Variants in RBFOX1 observed in about 807,000 individuals in gnomAD.
RBFOX1 encodes the protein RNA binding fox-1 homolog 1.
Under a neutral mutation model 57.7 loss-of-function variants are expected in RBFOX1, and 8 were observed. The ratio of observed to expected loss-of-function variants is 0.14; its 90% CI spans 0.08 to 0.25. The LOEUF (loss-of-function observed/expected upper bound fraction) is 0.25. Among genes scored for constraint, RBFOX1 ranks in the 10% least tolerant of loss-of-function variants. The pLI is 1.00. For missense variants in RBFOX1, 611 were observed against 548.5 expected (o/e 1.11, Z -1.14); for synonymous variants, 326 against 222.4 (o/e 1.47, Z -4.15).
intron 3 of RBFOX1, among the ~76,000 whole-genome samples, chr16:6,999,212 A>AC (rs2092557706): frequency 8.5e-6 from 1 of 117,692 alleles, no homozygotes; most frequent in Non-Finnish European, 1.9e-5. Flanking sequence ...TTTTATTTTT[A>AC]TTTATTTTTT....
chr16:6,824,665 C>T (rs1036050762), intron 3 of RBFOX1, among the ~76,000 whole-genome samples: 1 of 152,132 alleles, frequency 6.6e-6, no homozygotes, highest in African/African-American at 2.4e-5. Context: ...TTCTTGGATT[C>T]ATCACTCACT....
chr16:6,073,447 A>G (rs1409290178), intron 1 of RBFOX1, among the ~76,000 whole-genome samples: 2 of 152,154 alleles, frequency 1.3e-5, no homozygotes, highest in Admixed American at 1.3e-4. Context: ...GAACTGAAAA[A>G]CCAAGGAAGT....
intron 3 of RBFOX1, among the ~76,000 whole-genome samples, chr16:5,813,633 T>C (rs1309026399): frequency 1.3e-5 from 2 of 152,212 alleles, no homozygotes; most frequent in African/African-American, 2.4e-5. Flanking sequence ...GTTTTAAGTG[T>C]TCTTTATATA....
At chr16:7,695,616 C>T (rs556163137) in intron 14 of RBFOX1, among the ~76,000 whole-genome samples, 9 of 144,554 alleles carry the variant, frequency 6.2e-5, no homozygotes, top group African/African-American at 1.8e-4. Context: ...TGCGCCACTG[C>T]ACTCCGGCCT....
rs150874935 is a variant in RBFOX1 at position 5,730,976 on chromosome 16, C to T, written c.318+132015C>T. ...GTATCACCACCGTCATCATCGTTAC[C>T]GTCACTACCATCATCACCATTACCA... On this transcript the variant is annotated intron_variant, in intron 3 of 19. Coordinates refer to the RBFOX1 transcript ENST00000641259. Among the ~76,000 whole-genome samples the T allele has an allele frequency of 3.8e-3, 562 of 148,418 alleles. 3 individuals are homozygous for T. The highest frequency in any genetic ancestry group is 0.012 in the African/African-American group (484 of 41,178).
At chr16:7,581,052 CTG>C (rs1446366859) in intron 6 of RBFOX1, among the ~76,000 whole-genome samples, 4 of 152,256 alleles carry the variant, frequency 2.6e-5, no homozygotes, top group Non-Finnish European at 5.9e-5. Flanking sequence ...CTCAAAGGCA[CTG>C]TGTGTTGGGG....
At chr16:6,357,448 G>T (rs1056327407) in intron 2 of RBFOX1, among the ~76,000 whole-genome samples, 2 of 151,716 alleles carry the variant, frequency 1.3e-5, no homozygotes, top group Non-Finnish European at 2.9e-5. Flanking sequence ...GGTAAAGAGG[G>T]TATTGTTTTC....
In RBFOX1 at chr16:7,630,702, C is replaced by G. The variant is rs1261897218; in HGVS notation, c.757+19C>G. The G allele has an allele frequency of 6.2e-7, 1 of 1,613,900 alleles. No homozygotes were observed. Among genetic ancestry groups the G allele is most frequent in the Non-Finnish European group, 8.5e-7 (1 of 1,179,978 alleles). ...TCTGCAAGTAAGCCCACTGTCGTGG[C>G]TCTTTTTGTTTTGTGACATAAATCT... On this transcript the variant is annotated intron_variant, in intron 11 of 15. Coordinates refer to ENST00000550418, the MANE Select transcript of RBFOX1 (RefSeq NM_018723.4).
At chr16:6,939,014 A>T (rs938404865) in intron 3 of RBFOX1, among the ~76,000 whole-genome samples, 4 of 152,126 alleles carry the variant, frequency 2.6e-5, no homozygotes, top group Non-Finnish European at 1.5e-5. Flanking sequence ...CACTTTCCTT[A>T]GAGATCTGCC....
intron 4 of RBFOX1, among the ~76,000 whole-genome samples, chr16:7,309,831 A>G (rs1419671502): frequency 1.3e-5 from 2 of 152,208 alleles, no homozygotes; most frequent in African/African-American, 4.8e-5. Context: ...AGCACATGTC[A>G]TCCCGTGAAG....
chr16:7,068,931 A>G (rs1041164455), intron 4 of RBFOX1, among the ~76,000 whole-genome samples: 3 of 152,194 alleles, frequency 2.0e-5, no homozygotes, highest in Non-Finnish European at 4.4e-5. Context: ...ATTTCTACTC[A>G]CGAAGTGTGT....
At chr16:5,860,094 T>G (rs1168517323) in intron 3 of RBFOX1, among the ~76,000 whole-genome samples, 1 of 152,196 alleles carries the variant, frequency 6.6e-6, no homozygotes, top group Non-Finnish European at 1.5e-5. Context: ...AGCATTTCTT[T>G]TTTTTTGTGA....
intron 4 of RBFOX1, among the ~76,000 whole-genome samples, chr16:5,972,861 C>G (rs9635556): frequency 0.057 from 8,640 of 152,256 alleles, 547 homozygotes; most frequent in East Asian, 0.35. Context: ...ATCTTGTCTT[C>G]AAGATCAGCT....
At chr16:5,555,849 C>G (rs1567226001) in intron 2 of RBFOX1, among the ~76,000 whole-genome samples, 1 of 151,852 alleles carries the variant, frequency 6.6e-6, no homozygotes, top group Admixed American at 6.6e-5. Flanking sequence ...TGGGAAAACC[C>G]CATATCTACT....
chr16:5,443,882 G>C (rs1336851012), intron 1 of RBFOX1, among the ~76,000 whole-genome samples: 3 of 152,052 alleles, frequency 2.0e-5, no homozygotes, highest in East Asian at 3.9e-4. Flanking sequence ...TTTAAAGCTT[G>C]ACTCTGGCAT....
chr16:7,265,976 T>G (rs1307733528), intron 4 of RBFOX1, among the ~76,000 whole-genome samples: 8 of 137,898 alleles, frequency 5.8e-5, no homozygotes, highest in South Asian at 5.0e-4. Context: ...TTTTTTTTTT[T>G]TTTTTTTTTT....
chr16:7,034,827 C>CTTTTTTTTTTTCTTTTTTTTTTTTTTTTT (rs2043824001), intron 3 of RBFOX1, among the ~76,000 whole-genome samples: 3 of 54,110 alleles, frequency 5.5e-5, no homozygotes, highest in African/African-American at 1.8e-4. Flanking sequence ...TATTGCATTA[C>CTTTTTTTTTTTCTTTTTTTTTTTTTTTTT]TTTTTTTTTT....
At chr16:7,488,946 A>G (rs2066174043) in intron 4 of RBFOX1, among the ~76,000 whole-genome samples, 1 of 152,164 alleles carries the variant, frequency 6.6e-6, no homozygotes, top group Non-Finnish European at 1.5e-5. Context: ...TCACATGTCC[A>G]CTATCTATGT....
rs147577575 is a variant in RBFOX1 at position 5,556,118 on chromosome 16, G to T, written c.259-42784G>T. Among the ~76,000 whole-genome samples, 5 of 152,320 alleles carry T rather than the reference G, an allele frequency of 3.3e-5. No homozygotes were observed. In the East Asian group the frequency reaches 9.6e-4, roughly 29 times the overall value. On this transcript the variant is annotated intron_variant, in intron 2 of 2. Transcript: ENST00000585867. ...CTATGATTTATGCCTAAGCCAGCGT[G>T]TTAGAATTTATATTGAGGAAATATG... is the stretch of plus-strand genomic sequence containing the variant.
Sources: allele counts gnomAD v4.1 joint callset (sites outside exome capture counted in the v4.1 genomes callset), GRCh38; gene constraint gnomAD v4.1.1; transcripts MANE v1.5; gene names NCBI Gene and HGNC (gene_info 2026-07-23, HGNC 2026-07-21).